Variants in PIEZO2 observed in about 807,000 individuals in gnomAD.
PIEZO2 encodes the protein piezo type mechanosensitive ion channel component 2, also known as piezo-type mechanosensitive ion channel component 2.
PIEZO2 carries 172 observed loss-of-function variants against 337.3 expected under a neutral mutation model. That is an observed-to-expected ratio of 0.51 (90% CI 0.45 to 0.58). PIEZO2 has a LOEUF of 0.58. Ranked by LOEUF, PIEZO2 falls within the 20% of genes least tolerant of loss-of-function variation. PIEZO2 has a pLI of 0.00. For missense variants in PIEZO2, 3,028 were observed against 3,391.3 expected (o/e 0.89, Z 2.66); for synonymous variants, 1,251 against 1,228.5 (o/e 1.02, Z -0.38).
At chr18:10,701,832 CTCTT>C in intron 43 of PIEZO2, 153 bp downstream of exon 43, 3 of 519,170 alleles carry the variant, frequency 5.8e-6, no homozygotes, top group African/African-American at 2.1e-5. Flanking sequence ...TCTTTTCTCT[CTCTT>C]TTTTTTTTTA....
chr18:10,719,700 C>T (rs930907403), intron 36 of PIEZO2, among the ~76,000 whole-genome samples: 1 of 152,104 alleles, frequency 6.6e-6, no homozygotes, highest in Admixed American at 6.5e-5. Flanking sequence ...ATTTTCTTCC[C>T]TTTGAATATA....
At chr18:10,803,794 G>T (rs1322614869) in intron 9 of PIEZO2, 81 bp downstream of exon 9, 2 of 1,465,374 alleles carry the variant, frequency 1.4e-6, no homozygotes, top group Middle Eastern at 1.7e-4. Flanking sequence ...TGATATATAT[G>T]ATATTATAAG....
intron 39 of PIEZO2, among the ~76,000 whole-genome samples, chr18:10,710,742 C>A (rs1250379681): frequency 8.5e-5 from 13 of 152,208 alleles, no homozygotes; most frequent in Non-Finnish European, 1.9e-4. Flanking sequence ...AGCCTCCTGG[C>A]CACCAGACCC....
intron 47 of PIEZO2, among the ~76,000 whole-genome samples, chr18:10,695,243 G>A (rs1227664820): frequency 6.6e-6 from 1 of 152,248 alleles, no homozygotes; most frequent in African/African-American, 2.4e-5. Flanking sequence ...CTATAGAGAA[G>A]TGTTATCTGA....
chr18:11,124,450 C>T (rs1453894845), intron 1 of PIEZO2, among the ~76,000 whole-genome samples: 1 of 152,132 alleles, frequency 6.6e-6, no homozygotes. Flanking sequence ...CCCCAAAATG[C>T]CAGTTGAAAA....
chr18:10,689,824 CAG>C, intron 48 of PIEZO2, 22 bp from the exon 49 acceptor site: 2 of 1,588,252 alleles, frequency 1.3e-6, no homozygotes, highest in Non-Finnish European at 1.7e-6. Flanking sequence ...CACATCTCGT[CAG>C]AGAGACATTC....
intron 1 of PIEZO2, among the ~76,000 whole-genome samples, chr18:11,138,273 G>GT (rs368368415): frequency 1.4e-4 from 21 of 152,016 alleles, no homozygotes; most frequent in South Asian, 4.2e-4. Flanking sequence ...AAGATATAGT[G>GT]TTTTTTTTGT....
At chr18:10,867,931 T>C (rs1244010241) in intron 5 of PIEZO2, among the ~76,000 whole-genome samples, 2 of 152,190 alleles carry the variant, frequency 1.3e-5, no homozygotes, top group African/African-American at 2.4e-5. Flanking sequence ...GAACCTTTGA[T>C]GACATTTGAG....
At chr18:10,967,470 G>C (rs566762555) in intron 3 of PIEZO2, among the ~76,000 whole-genome samples, 2 of 152,242 alleles carry the variant, frequency 1.3e-5, no homozygotes, top group South Asian at 4.2e-4. Context: ...GCACCAAGGG[G>C]TGGGATTGCT....
At position 10,894,232 on chromosome 18, in the gene PIEZO2, C is replaced by A. The variant is rs2042832926; in HGVS notation, c.329+16954G>T. Among the ~76,000 whole-genome samples the A allele has an allele frequency of 6.6e-6, 1 of 152,100 alleles. No individual in the cohort carries two copies. Among genetic ancestry groups the A allele is most frequent in the Non-Finnish European group, 1.5e-5 (1 of 68,024 alleles). On this transcript the variant is annotated intron_variant, in intron 4 of 55. Coordinates refer to ENST00000674853, the MANE Select transcript of PIEZO2 (RefSeq NM_001378183.1). The surrounding 1 kb of genome is among the most constrained non-coding windows in gnomAD (Gnocchi z 4.1). ...CTCTGGAAGGCCGATGGGGGCGGATCACCTGAGGTCAGGAGTTGAGACCAG... is the reference window on the plus strand; with the variant it reads ...CTCTGGAAGGCCGATGGGGGCGGATAACCTGAGGTCAGGAGTTGAGACCAG...
At position 10,705,419 on chromosome 18, in the gene PIEZO2, G is replaced by T. The variant is rs529388684; in HGVS notation, c.5916C>A (p.Asp1972Glu). 4.6e-6 allele frequency: 7 copies of T among 1,537,118 alleles called. No individual in the cohort carries two copies. The African/African-American group carries it at 8.2e-5, about 18-fold the overall frequency. Residue 1972 changes from aspartate (D) to glutamate (E), a missense_variant, in exon 41 of 56, where the codon GAC becomes GAA. Around this residue, in one of 5 missense-constraint regions of PIEZO2, gnomAD observed 1,925 missense variants for 2,051.9 expected, o/e 0.94. Transcript: ENST00000674853. ...AGKNRMAVSP[D>E]DSRTDKLGSS... ...ACCCCAGCTTGTCGGTGCGGCTGTC[G>T]TCCGGGCTGACTGCCATACGGTTCT...
At chr18:10,947,479 G>T (rs1304619396) in intron 3 of PIEZO2, among the ~76,000 whole-genome samples, 1 of 152,122 alleles carries the variant, frequency 6.6e-6, no homozygotes, top group African/African-American at 2.4e-5. Flanking sequence ...GCAAAGATGT[G>T]CCATGAAAAC....
chr18:11,025,426 G>A (rs1043405612), intron 2 of PIEZO2, among the ~76,000 whole-genome samples: 4 of 152,068 alleles, frequency 2.6e-5, no homozygotes, highest in African/African-American at 9.7e-5. Flanking sequence ...TTCCTGGTGG[G>A]GACTGGGCCA....
At position 11,099,471 on chromosome 18, in the gene PIEZO2, C is replaced by A. The variant is rs975407178; in HGVS notation, c.65-33249G>T. 2.6e-5 allele frequency among the ~76,000 whole-genome samples: 4 copies of A among 152,174 alleles called. 1 individual carries two copies. Among genetic ancestry groups the A allele is most frequent in the South Asian group, 4.2e-4 (2 of 4,808 alleles). ...TAACATTTCAATTTATATCTTTATT[C>A]TTTTTTTCTTTTTGAGACAGAGTCT... is the stretch of plus-strand genomic sequence containing the variant. On this transcript the variant is annotated intron_variant, in intron 1 of 55. Transcript: ENST00000674853. The surrounding 1 kb of genome is among the most constrained non-coding windows in gnomAD (Gnocchi z 5.4).
chr18:11,039,344 G>A (rs1384450406), intron 2 of PIEZO2, among the ~76,000 whole-genome samples: 1 of 152,144 alleles, frequency 6.6e-6, no homozygotes, highest in Non-Finnish European at 1.5e-5. Flanking sequence ...CATTCTATAG[G>A]CAGAAAGGGC....
rs113353189 is a variant in PIEZO2, at chr18:11,050,179, T to C, written c.160+15948A>G. On this transcript the variant is annotated intron_variant, in intron 2 of 55. Coordinates refer to ENST00000674853, the MANE Select transcript of PIEZO2 (RefSeq NM_001378183.1). ...AAATTCAAGAAACAGGCGTCTAATT[T>C]TTTTTAGCATTCCTTTTGGTGGTGA... Among the ~76,000 whole-genome samples, 874 of 152,290 alleles carry C rather than the reference T, an allele frequency of 5.7e-3. 9 individuals are homozygous for C. Among genetic ancestry groups the C allele is most frequent in the African/African-American group, 0.02 (828 of 41,560 alleles).
rs1418274449 is a variant in PIEZO2, at chr18:10,973,164, AT to A, written c.286+6370del. On this transcript the variant is annotated intron_variant, in intron 3 of 55. Coordinates refer to ENST00000674853, the MANE Select transcript of PIEZO2 (RefSeq NM_001378183.1). This position sits in a 1 kb window ranked among gnomAD's most constrained non-coding sequence, Gnocchi z 4.9. ...CATCCATATCTATTACTAAAGGTGA[AT>A]CAAAATATCAACACGGCATTGGCCT... 6.6e-6 allele frequency among the ~76,000 whole-genome samples: 1 copy of A among 151,792 alleles called. No homozygotes were observed. The highest frequency in any genetic ancestry group is 1.5e-5 in the Non-Finnish European group (1 of 67,998).
chr18:11,131,761 C>G lies in PIEZO2; in HGVS notation c.64+16764G>C, dbSNP rs1246711723. Among the ~76,000 whole-genome samples, 1 of 152,138 alleles carries G rather than the reference C, an allele frequency of 6.6e-6. No individual in the cohort carries two copies. Among genetic ancestry groups the G allele is most frequent in the African/African-American group, 2.4e-5 (1 of 41,428 alleles). On this transcript the variant is annotated intron_variant, in intron 1 of 55. Transcript: ENST00000674853. This position sits in a 1 kb window ranked among gnomAD's most constrained non-coding sequence, Gnocchi z 5.3. ...AGGTTTGTGGATGGACCTGAGTGGT[C>G]AAAAACTGTGAAGATATTTGTATCC...
intron 1 of PIEZO2, among the ~76,000 whole-genome samples, chr18:11,082,673 A>G (rs2038790903): frequency 6.6e-6 from 1 of 152,336 alleles, no homozygotes; most frequent in Non-Finnish European, 1.5e-5. Flanking sequence ...AATAATTCTT[A>G]AAGTTTTTTT....
Sources: allele counts gnomAD v4.1 joint callset (sites outside exome capture counted in the v4.1 genomes callset), GRCh38; gene constraint gnomAD v4.1.1; regional missense constraint gnomAD v4.1.1; non-coding constraint Gnocchi (gnomAD v3.1); transcripts MANE v1.5; gene names NCBI Gene and HGNC (gene_info 2026-07-23, HGNC 2026-07-21).